Variants in ANK3 observed in about 807,000 individuals in gnomAD.
ANK3 encodes the protein ankyrin-3.
Under a neutral mutation model 370.9 loss-of-function variants are expected in ANK3, and 57 were observed. That is an observed-to-expected ratio of 0.15 (90% CI 0.12 to 0.19). ANK3 has a LOEUF of 0.19. Ranked by LOEUF, ANK3 falls within the 10% of genes least tolerant of loss-of-function variation. The pLI is 1.00. For synonymous variants in ANK3, 1,929 were observed against 1,946.3 expected (o/e 0.99, Z 0.23); for missense variants, 4,439 against 5,302.1 (o/e 0.84, Z 5.06).
At chr10:60,305,667 ACT>A (rs2044869391) in intron 1 of ANK3, among the ~76,000 whole-genome samples, 2 of 152,134 alleles carry the variant, frequency 1.3e-5, no homozygotes, top group South Asian at 4.2e-4. Flanking sequence ...AGAGAAAAAC[ACT>A]CTACAATTAT....
intron 4 of ANK3, among the ~76,000 whole-genome samples, chr10:60,274,503 G>A (rs1373549650): frequency 4.6e-5 from 7 of 152,110 alleles, no homozygotes; most frequent in Admixed American, 4.6e-4. Context: ...TGTCCTGGAT[G>A]GACTGAGACA....
chr10:60,250,919 A>G (rs2097653511), intron 7 of ANK3, among the ~76,000 whole-genome samples: 1 of 152,234 alleles, frequency 6.6e-6, no homozygotes, highest in South Asian at 2.1e-4. Context: ...TTTTCTTGTG[A>G]TGATATTGGA....
intron 1 of ANK3, among the ~76,000 whole-genome samples, chr10:60,618,055 TTAAA>T (rs1265123761): frequency 6.6e-6 from 1 of 152,152 alleles, no homozygotes; most frequent in African/African-American, 2.4e-5. Context: ...TTTTATGATA[TTAAA>T]TTTTTTTATC....
intron 2 of ANK3, among the ~76,000 whole-genome samples, chr10:60,539,154 T>C (rs2076789768): frequency 6.6e-6 from 1 of 151,926 alleles, no homozygotes; most frequent in Admixed American, 6.6e-5. Flanking sequence ...AAACTACCAT[T>C]AATACTTGAA....
intron 1 of ANK3, among the ~76,000 whole-genome samples, chr10:60,716,710 C>T (rs1423450037): frequency 6.6e-6 from 1 of 152,060 alleles, no homozygotes; most frequent in Admixed American, 6.5e-5. Context: ...GAGATAAGGT[C>T]TTGCCATGTT....
intron 1 of ANK3, among the ~76,000 whole-genome samples, chr10:60,280,122 G>A (rs1261866179): frequency 1.3e-5 from 2 of 152,168 alleles, no homozygotes; most frequent in African/African-American, 4.8e-5. Context: ...GGAGTGCAGT[G>A]GTGCAATCAC....
In ANK3 at chr10:60,234,612, C is replaced by T. The variant is rs918807165; in HGVS notation, c.897+76G>A. The T allele has an allele frequency of 4.9e-5, 39 of 794,170 alleles. No individual in the cohort carries two copies. In the Middle Eastern group the frequency reaches 9.1e-4, roughly 19 times the overall value. The allele number at this position is 794,170 out of a possible 1,614,324, so 49.2% of individuals were successfully genotyped here. On this transcript the variant is annotated intron_variant, in intron 8 of 43. Coordinates refer to ENST00000280772, the MANE Select transcript of ANK3 (RefSeq NM_020987.5). Reference sequence around the variant, plus strand: ...ACAGAAAACAAAGCTCATGTTGTATCAGTGCAAAGGTATCAGGAAAAGTAT... The same window carrying T: ...ACAGAAAACAAAGCTCATGTTGTATTAGTGCAAAGGTATCAGGAAAAGTAT...
At chr10:60,174,540 C>T (rs10994235) in intron 18 of ANK3, among the ~76,000 whole-genome samples, 14,600 of 152,096 alleles carry the variant, frequency 0.096, 1,911 homozygotes, top group African/African-American at 0.3. Context: ...AATGGTTTAA[C>T]TGATTGAAGT....
At chr10:60,240,281 C>CACATATATAT (rs1555185825) in intron 7 of ANK3, among the ~76,000 whole-genome samples, 6 of 88,352 alleles carry the variant, frequency 6.8e-5, no homozygotes, top group Non-Finnish European at 1.1e-4. Context: ...TACACACACA[C>CACATATATAT]ATATATATAT....
chr10:60,070,921 G>T lies in ANK3; in HGVS notation c.9960C>A (p.Asp3320Glu), dbSNP rs375742067. Reference protein sequence around the residue: ...PGADVSDSSDDESIYQPVPVK... With the variant: ...PGADVSDSSDEESIYQPVPVK... ...CTGGGACTGGCTGATAAATAGATTC[G>T]TCATCGCTTGAATCACTGACGTCTG... The change falls in exon 37 of 44, where the codon GAC becomes GAA. Residue 3320 changes from aspartate to glutamate, a missense_variant. Asp to Glu is a conservative substitution (Grantham distance 45). Coordinates refer to ENST00000280772, the MANE Select transcript of ANK3 (RefSeq NM_020987.5). The surrounding 1 kb of genome is among the most constrained non-coding windows in gnomAD (Gnocchi z 5.7). 6.2e-7 allele frequency: 1 copy of T among 1,614,024 alleles called. No individual in the cohort carries two copies. Among genetic ancestry groups the T allele is most frequent in the Admixed American group, 1.7e-5 (1 of 60,004 alleles).
chr10:60,051,600 TTAAAA>T (rs2078016137), intron 42 of ANK3: 2 of 886,854 alleles, frequency 2.3e-6, no homozygotes, highest in Non-Finnish European at 2.7e-6. Context: ...ACCATCACAC[TTAAAA>T]TAAAAGACAT....
chr10:60,321,827 C>T (rs975283301), intron 1 of ANK3, among the ~76,000 whole-genome samples: 2 of 152,130 alleles, frequency 1.3e-5, no homozygotes, highest in African/African-American at 2.4e-5. Context: ...ATTTATTGAC[C>T]CTGACAGTAA....
chr10:60,061,266 A>G (rs1479189625), intron 40 of ANK3, among the ~76,000 whole-genome samples: 1 of 152,224 alleles, frequency 6.6e-6, no homozygotes, highest in African/African-American at 2.4e-5. Flanking sequence ...AAGTGAAATT[A>G]CTTCATATAC....
chr10:60,163,048 C>CA (rs2095536988), intron 23 of ANK3, among the ~76,000 whole-genome samples: 1 of 152,144 alleles, frequency 6.6e-6, no homozygotes, highest in African/African-American at 2.4e-5. Context: ...ACGCCAAACT[C>CA]AATCACTTGA....
At position 60,108,985 on chromosome 10, in the gene ANK3, T is replaced by G; in HGVS notation, c.3018A>C (p.Arg1006Ser). ...SMRGSRHHGM[R>S]IIIPPRKCTA... The stretch of plus-strand genomic sequence containing the variant: ...TACACTTGCGTGGAGGAATGATGAT[T>G]CTCATCCCGTGATGACGGCTTCCTC... Residue 1006 changes from arginine (R) to serine (S), a missense_variant, in exon 27 of 44, where the codon AGA (arginine) becomes AGC (serine). Arg to Ser is a moderately radical substitution (Grantham distance 110). Transcript: ENST00000280772. 6.2e-7 allele frequency: 1 copy of G among 1,613,984 alleles called. No individual in the cohort carries two copies. Among genetic ancestry groups the G allele is most frequent in the Non-Finnish European group, 8.5e-7 (1 of 1,179,976 alleles).
chr10:60,225,065 C>T (rs2097118295), intron 8 of ANK3, among the ~76,000 whole-genome samples: 1 of 152,024 alleles, frequency 6.6e-6, no homozygotes. Context: ...AGGCATGCCC[C>T]ACCATTTCCA....
chr10:60,036,989 G>A (rs2075147500), intron 43 of ANK3, among the ~76,000 whole-genome samples: 1 of 152,152 alleles, frequency 6.6e-6, no homozygotes, highest in Non-Finnish European at 1.5e-5. Context: ...CTGAATGCCT[G>A]TCATTCTTCT....
At chr10:60,580,009 CTCA>C (rs2077729457) in intron 2 of ANK3, among the ~76,000 whole-genome samples, 1 of 152,092 alleles carries the variant, frequency 6.6e-6, no homozygotes, top group Non-Finnish European at 1.5e-5. Flanking sequence ...TGCTTATAAC[CTCA>C]TCAACATAAG....
chr10:60,505,894 G>A (rs747057177), intron 2 of ANK3, among the ~76,000 whole-genome samples: 1 of 152,040 alleles, frequency 6.6e-6, no homozygotes, highest in Non-Finnish European at 1.5e-5. Flanking sequence ...AACCTATTGT[G>A]GTTTACACAG....
Sources: allele counts gnomAD v4.1 joint callset (sites outside exome capture counted in the v4.1 genomes callset), GRCh38; gene constraint gnomAD v4.1.1; non-coding constraint Gnocchi (gnomAD v3.1); transcripts MANE v1.5; gene names NCBI Gene and HGNC (gene_info 2026-07-23, HGNC 2026-07-21).